The following RPS6KB1 variants were observed in gnomAD, a reference collection of about 807,000 sequenced individuals.
The protein encoded by RPS6KB1 is ribosomal protein S6 kinase beta-1.
A neutral mutation model predicts 70.2 loss-of-function variants in RPS6KB1; 12 were observed. The observed-to-expected ratio is 0.17, with a 90% CI of 0.11 to 0.28. The LOEUF (loss-of-function observed/expected upper bound fraction) is 0.28, where lower values mean the gene tolerates loss of function less well. Among genes scored for constraint, RPS6KB1 ranks in the 10% least tolerant of loss-of-function variants. RPS6KB1 has a pLI of 1.00. For synonymous variants in RPS6KB1, 175 were observed against 211.2 expected (o/e 0.83, Z 1.49); for missense variants, 270 against 646.6 (o/e 0.42, Z 6.32).
chr17:59,905,942 C>T (rs1199075670), intron 1 of RPS6KB1, among the ~76,000 whole-genome samples: 1 of 152,104 alleles, frequency 6.6e-6, no homozygotes, highest in Non-Finnish European at 1.5e-5. Flanking sequence ...AGGCATACAA[C>T]ACCACACTCA....
At chr17:59,899,046 A>C (rs2144669505) in intron 1 of RPS6KB1, among the ~76,000 whole-genome samples, 1 of 152,034 alleles carries the variant, frequency 6.6e-6, no homozygotes, top group African/African-American at 2.4e-5. Context: ...TCTATTAAAA[A>C]TACAAAAATT....
rs17582112 is a variant in RPS6KB1, at chr17:59,950,475, A to G, written c.*3687A>G. 9.6e-3 allele frequency: 1,445 copies of G among 149,898 alleles called. 11 individuals carry two copies. The highest frequency in any genetic ancestry group is 0.02 in the South Asian group (93 of 4,734). The allele number at this position is 149,898 out of a possible 1,614,324, so 9.3% of individuals were successfully genotyped here. On this transcript the variant is annotated 3_prime_UTR_variant, in exon 15 of 15. Transcript: ENST00000225577. ...ATCTTAAAGATAGGAAGGAATTAGT[A>G]TACGTATCAGGTGTATAAATGGTTT... is the stretch of plus-strand genomic sequence containing the variant.
At chr17:59,920,118 A>G (rs1436840272) in intron 4 of RPS6KB1, among the ~76,000 whole-genome samples, 1 of 151,464 alleles carries the variant, frequency 6.6e-6, no homozygotes, top group Non-Finnish European at 1.5e-5. Context: ...CCTGGGTTCA[A>G]GTGATTCTTC....
At chr17:59,933,390 A>G (rs1356000254) in intron 7 of RPS6KB1, among the ~76,000 whole-genome samples, 2 of 151,112 alleles carry the variant, frequency 1.3e-5, no homozygotes, top group Non-Finnish European at 2.9e-5. Flanking sequence ...GGTTGAGTGT[A>G]TCAGATGGTT....
At chr17:59,921,902 G>A (rs2043287469) in intron 4 of RPS6KB1, among the ~76,000 whole-genome samples, 1 of 152,096 alleles carries the variant, frequency 6.6e-6, no homozygotes, top group Non-Finnish European at 1.5e-5. Flanking sequence ...TTCCTACAAT[G>A]CCTGTTTTTT....
chr17:59,921,186 A>G (rs2144872343), intron 4 of RPS6KB1, among the ~76,000 whole-genome samples: 1 of 152,192 alleles, frequency 6.6e-6, no homozygotes, highest in East Asian at 1.9e-4. Context: ...TGGGAAATCC[A>G]TAGACTTAAT....
chr17:59,943,768 G>T (rs1390522402), intron 13 of RPS6KB1, among the ~76,000 whole-genome samples: 1 of 151,316 alleles, frequency 6.6e-6, no homozygotes, highest in East Asian at 1.9e-4. Flanking sequence ...TACTCGGGAG[G>T]CTGAGGCAGG....
At chr17:59,943,794 C>T (rs777794517) in intron 13 of RPS6KB1, among the ~76,000 whole-genome samples, 7 of 149,856 alleles carry the variant, frequency 4.7e-5, no homozygotes, top group Non-Finnish European at 1.0e-4. Flanking sequence ...CGCTTGAACC[C>T]GGGAGGAGGA....
At chr17:59,897,476 G>A (rs1432369930) in intron 1 of RPS6KB1, among the ~76,000 whole-genome samples, 1 of 152,162 alleles carries the variant, frequency 6.6e-6, no homozygotes, top group Non-Finnish European at 1.5e-5. Context: ...TTTTACAACT[G>A]TAGTATCATA....
chr17:59,919,168 G>T (rs1384827911), intron 4 of RPS6KB1, among the ~76,000 whole-genome samples: 1 of 152,200 alleles, frequency 6.6e-6, no homozygotes, highest in Non-Finnish European at 1.5e-5. Context: ...AGTTCTGTGT[G>T]TGTAAGCTTC....
At chr17:59,905,084 T>C (rs578220886) in intron 1 of RPS6KB1, among the ~76,000 whole-genome samples, 370 of 152,160 alleles carry the variant, frequency 2.4e-3, no homozygotes, top group Non-Finnish European at 3.6e-3. Context: ...TAGCGCAATT[T>C]TGGCTCACTG....
At chr17:59,945,061 C>A in intron 13 of RPS6KB1, 1 of 167,596 alleles carries the variant, frequency 6.0e-6, no homozygotes, top group Middle Eastern at 3.0e-3. Flanking sequence ...CTTGGCCTCC[C>A]AAAGTGCTGG....
chr17:59,895,808 A>G (rs1162749914), intron 1 of RPS6KB1, among the ~76,000 whole-genome samples: 2 of 151,178 alleles, frequency 1.3e-5, no homozygotes, highest in Non-Finnish European at 3.0e-5. Flanking sequence ...AATTGTTTGT[A>G]TTTTAGTAGA....
At chr17:59,901,877 G>A (rs559286855) in intron 1 of RPS6KB1, among the ~76,000 whole-genome samples, 47 of 151,492 alleles carry the variant, frequency 3.1e-4, no homozygotes, top group African/African-American at 4.6e-4. Context: ...AAAATTATCC[G>A]TCTTGGTGGT....
rs1022428283 is a variant in RPS6KB1 at position 59,950,539 on chromosome 17, TATAA to T, written c.*3757_*3760del. The T allele has an allele frequency of 1.8e-4, 27 of 152,334 alleles. No homozygotes were observed. The highest frequency in any genetic ancestry group is 5.1e-4 in the African/African-American group (21 of 41,562). The allele number at this position is 152,334 out of a possible 1,614,324, so 9.4% of individuals were successfully genotyped here. The stretch of plus-strand genomic sequence containing the variant: ...CATGTCAGATGTGTTCAAGTTGTCA[TATAA>T]ATAAACTATGTATGTAAGGAATGGG... On this transcript the variant is annotated 3_prime_UTR_variant, in exon 15 of 15. Transcript: ENST00000225577.
In RPS6KB1 at chr17:59,934,739, C is replaced by A; in HGVS notation, c.870+215C>A. 1 of 514,740 alleles carries A rather than the reference C, an allele frequency of 1.9e-6. No homozygotes were observed. Among genetic ancestry groups the A allele is most frequent in the South Asian group, 3.2e-5 (1 of 31,656 alleles). 31.9% of individuals were successfully genotyped at this position (514,740 alleles called of 1,614,324 possible). A position where few individuals can be genotyped will look rare whatever the true frequency, so the allele number is the denominator to read the frequency against. On this transcript the variant is annotated intron_variant, in intron 9 of 14. Coordinates refer to ENST00000225577, the MANE Select transcript of RPS6KB1 (RefSeq NM_003161.4). This position sits in a 1 kb window ranked among gnomAD's most constrained non-coding sequence, Gnocchi z 4.8. ...TTAAATGATCTATGTCATGGCAGGC[C>A]TGTGAAATAGATGTTGAATAGATAA...
chr17:59,947,094 G>A lies in RPS6KB1; in HGVS notation c.*306G>A. 1 of 1,190,452 alleles carries A rather than the reference G, an allele frequency of 8.4e-7. No homozygotes were observed. The highest frequency in any genetic ancestry group is 1.0e-6 in the Non-Finnish European group (1 of 953,628). 73.7% of individuals were successfully genotyped at this position (1,190,452 alleles called of 1,614,324 possible). ...TCGAAACTGACAGTATTAAGGGTAG[G>A]ATGTTGCTTCTGAATCACTGTTGAG... On this transcript the variant is annotated 3_prime_UTR_variant, in exon 15 of 15. Coordinates refer to ENST00000225577, the MANE Select transcript of RPS6KB1 (RefSeq NM_003161.4).
intron 4 of RPS6KB1, 143 bp downstream of exon 4, chr17:59,914,846 A>C: frequency 9.0e-6 from 6 of 667,884 alleles, no homozygotes; most frequent in South Asian, 1.9e-5. Context: ...AATGTATCTC[A>C]AGCCAGGTAC....
intron 5 of RPS6KB1, among the ~76,000 whole-genome samples, chr17:59,929,379 G>A (rs1163428803): frequency 3.9e-5 from 6 of 152,182 alleles, no homozygotes; most frequent in East Asian, 1.9e-4. Flanking sequence ...GATTACAGGC[G>A]TAAGCCACTG....
Sources: allele counts gnomAD v4.1 joint callset (sites outside exome capture counted in the v4.1 genomes callset), GRCh38; gene constraint gnomAD v4.1.1; non-coding constraint Gnocchi (gnomAD v3.1); transcripts MANE v1.5; gene names NCBI Gene and HGNC (gene_info 2026-07-23, HGNC 2026-07-21).